E2F3: variants seen among roughly 807,000 people sequenced by gnomAD.
E2F3 encodes E2F transcription factor 3, also known as transcription factor E2F3.
Under a neutral mutation model 44.4 loss-of-function variants are expected in E2F3, and 11 were observed. The ratio of observed to expected loss-of-function variants is 0.25; its 90% CI spans 0.16 to 0.41. The LOEUF is 0.41. Among genes scored for constraint, E2F3 ranks in the 10% least tolerant of loss-of-function variants. E2F3 has a pLI of 1.00. For missense variants in E2F3, 487 were observed against 583.6 expected (o/e 0.83, Z 1.70); for synonymous variants, 249 against 253.0 (o/e 0.98, Z 0.15).
chr6:20,452,862 G>C (rs1382633746), intron 1 of E2F3, among the ~76,000 whole-genome samples: 3 of 152,176 alleles, frequency 2.0e-5, no homozygotes, highest in Admixed American at 2.0e-4. Flanking sequence ...GCTGAGGCAG[G>C]AGAATCGTTT....
chr6:20,414,055 G>C (rs766609509), intron 1 of E2F3, among the ~76,000 whole-genome samples: 12 of 152,148 alleles, frequency 7.9e-5, no homozygotes, highest in Non-Finnish European at 5.9e-5. Flanking sequence ...TTTCTGAGGG[G>C]CTAAGGCTGA....
chr6:20,416,419 T>C (rs1759847265), intron 1 of E2F3, among the ~76,000 whole-genome samples: 1 of 152,242 alleles, frequency 6.6e-6, no homozygotes, highest in African/African-American at 2.4e-5. Flanking sequence ...CAAAATTCCC[T>C]GCCTCTGTGT....
intron 4 of E2F3, among the ~76,000 whole-genome samples, chr6:20,485,452 C>T (rs1297158035): frequency 2.0e-5 from 3 of 151,966 alleles, no homozygotes; most frequent in Admixed American, 1.3e-4. Context: ...TGGTGGTGCA[C>T]GCCTGTAGTC....
chr6:20,464,549 A>G (rs2127609759), intron 1 of E2F3, among the ~76,000 whole-genome samples: 1 of 152,324 alleles, frequency 6.6e-6, no homozygotes. Context: ...TAGGCTCCAC[A>G]CAGGACTATG....
chr6:20,441,674 A>G (rs1375150309), intron 1 of E2F3, among the ~76,000 whole-genome samples: 1 of 151,588 alleles, frequency 6.6e-6, no homozygotes, highest in Non-Finnish European at 1.5e-5. Flanking sequence ...TCCTGGGTTC[A>G]AGCGATTCTT....
At chr6:20,411,143 A>G (rs1759657740) in intron 1 of E2F3, among the ~76,000 whole-genome samples, 1 of 152,248 alleles carries the variant, frequency 6.6e-6, no homozygotes, top group African/African-American at 2.4e-5. Context: ...TGATAGTGTC[A>G]TGAATAAAAC....
intron 1 of E2F3, among the ~76,000 whole-genome samples, chr6:20,464,896 A>G (rs567691778): frequency 1.1e-4 from 16 of 152,364 alleles, no homozygotes; most frequent in African/African-American, 3.8e-4. Context: ...AGTACTAGCT[A>G]GGGGAAGTGT....
At chr6:20,422,580 CT>C (rs1561852946) in intron 1 of E2F3, among the ~76,000 whole-genome samples, 2 of 152,250 alleles carry the variant, frequency 1.3e-5, no homozygotes, top group East Asian at 1.9e-4. Flanking sequence ...TAATTTCTAG[CT>C]TTTGATTTAG....
chr6:20,444,611 C>T (rs1456453451), intron 1 of E2F3, among the ~76,000 whole-genome samples: 1 of 151,980 alleles, frequency 6.6e-6, no homozygotes, highest in Non-Finnish European at 1.5e-5. Context: ...ATTGCTGTGT[C>T]TAGAAGAAAA....
At chr6:20,481,466 C>T (rs1166069351) in intron 3 of E2F3, 41 bp downstream of exon 3, 3 of 1,569,120 alleles carry the variant, frequency 1.9e-6, no homozygotes, top group East Asian at 2.2e-5. Flanking sequence ...CTGAGGGGGT[C>T]GTTTCAAACT....
At chr6:20,479,998 G>C (rs1377703330) in intron 2 of E2F3, 41 bp downstream of exon 2, 1 of 1,559,240 alleles carries the variant, frequency 6.4e-7, no homozygotes, top group Non-Finnish European at 8.7e-7. Context: ...TCCTTGGTAT[G>C]GCATTTCCAA....
chr6:20,404,523 G>A (rs1759428088), intron 1 of E2F3, among the ~76,000 whole-genome samples: 1 of 152,160 alleles, frequency 6.6e-6, no homozygotes. Flanking sequence ...TTAATTTTTG[G>A]AGAATCAAGA....
At chr6:20,416,190 T>C (rs1759839750) in intron 1 of E2F3, among the ~76,000 whole-genome samples, 1 of 152,224 alleles carries the variant, frequency 6.6e-6, no homozygotes, top group Admixed American at 6.5e-5. Context: ...GTGGTTGTCA[T>C]TAAGTTGGGC....
chr6:20,468,845 G>A (rs774677363), intron 1 of E2F3, among the ~76,000 whole-genome samples: 3 of 152,210 alleles, frequency 2.0e-5, no homozygotes, highest in African/African-American at 4.8e-5. Flanking sequence ...AAACATAGGA[G>A]AGAAAGTTCA....
rs1759346925 is a variant in E2F3 at position 20,402,666 on chromosome 6, G to A, written c.393+41G>A. Reference sequence around the variant, plus strand: ...CCCACCGTCCCCAGCCCCGGCGGGAGGTGGGCTCGCACCGCGCGGGGTCGT... The same window carrying A: ...CCCACCGTCCCCAGCCCCGGCGGGAAGTGGGCTCGCACCGCGCGGGGTCGT... On this transcript the variant is annotated intron_variant, in intron 1 of 6. Transcript: ENST00000346618. The surrounding 1 kb of genome is among the most constrained non-coding windows in gnomAD (Gnocchi z 5.6). The A allele has an allele frequency of 1.5e-6, 2 of 1,307,528 alleles. No homozygotes were observed. Among genetic ancestry groups the A allele is most frequent in the Admixed American group, 4.2e-5 (1 of 23,688 alleles). The allele number at this position is 1,307,528 out of a possible 1,614,324, so 81.0% of individuals were successfully genotyped here. A position where few individuals can be genotyped will look rare whatever the true frequency, so the allele number is the denominator to read the frequency against.
At chr6:20,462,056 C>T (rs1472828777) in intron 1 of E2F3, among the ~76,000 whole-genome samples, 11 of 152,140 alleles carry the variant, frequency 7.2e-5, no homozygotes, top group African/African-American at 2.7e-4. Context: ...TCCCCTATTC[C>T]TGTCTTTTAT....
At chr6:20,411,557 G>A (rs1437645163) in intron 1 of E2F3, among the ~76,000 whole-genome samples, 1 of 152,188 alleles carries the variant, frequency 6.6e-6, no homozygotes, top group East Asian at 1.9e-4. Flanking sequence ...TGCCATCAAG[G>A]GATGGTGAAA....
At position 20,481,415 on chromosome 6, in the gene E2F3, G is replaced by A. The variant is rs1480011422; in HGVS notation, c.715G>A (p.Val239Ile). ...CATTAAGAAGAAGTCTAAAAACAAC[G>A]TCCAATGGATGTGAGTAGGAGTCCT... ...HLIKKKSKNN[V>I]QWMGCSLSED... The change falls in exon 3 of 7, where the codon GTC (valine) becomes ATC (isoleucine). Residue 239 changes from valine to isoleucine, a missense_variant. Physicochemically the swap from Val to Ile is conservative, Grantham distance 29. Coordinates refer to ENST00000346618, the MANE Select transcript of E2F3 (RefSeq NM_001949.5). 4 of 1,613,894 alleles carry A rather than the reference G, an allele frequency of 2.5e-6. No homozygotes were observed. The highest frequency in any genetic ancestry group is 2.7e-5 in the African/African-American group (2 of 74,906).
At chr6:20,473,963 G>A (rs1264720817) in intron 1 of E2F3, among the ~76,000 whole-genome samples, 1 of 152,054 alleles carries the variant, frequency 6.6e-6, no homozygotes, top group Non-Finnish European at 1.5e-5. Context: ...TTTCATGCTT[G>A]GAGACTAATA....
Sources: allele counts gnomAD v4.1 joint callset (sites outside exome capture counted in the v4.1 genomes callset), GRCh38; gene constraint gnomAD v4.1.1; non-coding constraint Gnocchi (gnomAD v3.1); transcripts MANE v1.5; gene names NCBI Gene and HGNC (gene_info 2026-07-23, HGNC 2026-07-21).